Variants in TAFA2 observed in about 807,000 individuals in gnomAD.
The protein encoded by TAFA2 is chemokine-like protein TAFA-2.
In TAFA2, 7 loss-of-function variants were observed where a neutral mutation model predicts 18.8. The ratio of observed to expected loss-of-function variants is 0.37; its 90% CI spans 0.21 to 0.70. TAFA2 has a LOEUF of 0.70. Among genes scored for constraint, TAFA2 ranks in the 30% least tolerant of loss-of-function variants. The pLI is 0.53. For missense variants in TAFA2, 122 were observed against 158.1 expected, an observed-to-expected ratio of 0.77 and a Z score of 1.23; for synonymous variants, 60 against 54.2, an observed-to-expected ratio of 1.11 and a Z score of -0.47.
chr12:61,789,490 A>G (rs1180097729), intron 2 of TAFA2, among the ~76,000 whole-genome samples: 2 of 151,812 alleles, frequency 1.3e-5, no homozygotes, highest in Non-Finnish European at 2.9e-5. Context: ...GAGCTGAGCA[A>G]TGAGAACACA....
chr12:61,975,739 A>G (rs1395895814), intron 1 of TAFA2, among the ~76,000 whole-genome samples: 1 of 151,774 alleles, frequency 6.6e-6, no homozygotes, highest in African/African-American at 2.4e-5. Context: ...ATCCCCTTTG[A>G]GGTTGTTGGT....
chr12:62,058,969 G>A (rs1882265045), intron 1 of TAFA2, among the ~76,000 whole-genome samples: 2 of 152,130 alleles, frequency 1.3e-5, no homozygotes, highest in African/African-American at 4.8e-5. Flanking sequence ...CTGGCGTGGT[G>A]GCGGGCGCCT....
At chr12:62,072,377 G>A (rs1882654104) in intron 1 of TAFA2, among the ~76,000 whole-genome samples, 1 of 152,032 alleles carries the variant, frequency 6.6e-6, no homozygotes, top group South Asian at 2.1e-4. Flanking sequence ...GCTGAGGCAG[G>A]AGAATGGCGT....
At chr12:61,966,421 C>G (rs917295949) in intron 1 of TAFA2, among the ~76,000 whole-genome samples, 1 of 151,902 alleles carries the variant, frequency 6.6e-6, no homozygotes, top group African/African-American at 2.4e-5. Flanking sequence ...TAATCCCATC[C>G]ATGAGGGAGG....
intron 4 of TAFA2, among the ~76,000 whole-genome samples, chr12:61,716,023 T>A (rs903584920): frequency 6.6e-6 from 1 of 152,218 alleles, no homozygotes; most frequent in Non-Finnish European, 1.5e-5. Context: ...GATGATTTAC[T>A]GGGTAAAACA....
At chr12:61,929,889 G>C (rs1283205630) in intron 1 of TAFA2, among the ~76,000 whole-genome samples, 8 of 151,900 alleles carry the variant, frequency 5.3e-5, no homozygotes, top group Non-Finnish European at 7.3e-5. Context: ...ATCATTCTCA[G>C]CAAACTATCA....
chr12:61,969,408 C>A (rs1048585158), intron 1 of TAFA2, among the ~76,000 whole-genome samples: 3 of 151,572 alleles, frequency 2.0e-5, no homozygotes, highest in Non-Finnish European at 4.4e-5. Flanking sequence ...TAAAAAGAAT[C>A]CTGACTCGGT....
chr12:62,038,122 G>C (rs1336557800), intron 1 of TAFA2, among the ~76,000 whole-genome samples: 1 of 152,038 alleles, frequency 6.6e-6, no homozygotes, highest in Non-Finnish European at 1.5e-5. Context: ...GGGAGATGTA[G>C]GTCAAAACAG....
chr12:62,133,238 G>A (rs943946033), intron 1 of TAFA2, among the ~76,000 whole-genome samples: 1 of 151,914 alleles, frequency 6.6e-6, no homozygotes, highest in Non-Finnish European at 1.5e-5. Context: ...CCAAAGACTG[G>A]TATAACTTTC....
At chr12:62,012,953 T>C (rs1373930818) in intron 1 of TAFA2, among the ~76,000 whole-genome samples, 14 of 152,188 alleles carry the variant, frequency 9.2e-5, no homozygotes, top group Non-Finnish European at 1.9e-4. Context: ...CCTCAATGCA[T>C]ACTTACATAT....
chr12:62,168,250 T>C (rs1164585015), intron 1 of TAFA2, among the ~76,000 whole-genome samples: 1 of 152,138 alleles, frequency 6.6e-6, no homozygotes, highest in Non-Finnish European at 1.5e-5. Context: ...CACTAATTAA[T>C]AGATTTAGGA....
chr12:61,892,412 G>C (rs923798580), intron 1 of TAFA2, among the ~76,000 whole-genome samples: 4 of 152,202 alleles, frequency 2.6e-5, no homozygotes, highest in African/African-American at 9.7e-5. Flanking sequence ...TGCCATGCAT[G>C]TAAATGAGCT....
At chr12:62,227,967 G>A (rs537108909) in intron 1 of TAFA2, among the ~76,000 whole-genome samples, 1 of 152,130 alleles carries the variant, frequency 6.6e-6, no homozygotes, top group Admixed American at 6.5e-5. Context: ...ATGGGTCTAT[G>A]TATATGTTTT....
chr12:61,984,190 G>A (rs986492036), intron 1 of TAFA2, among the ~76,000 whole-genome samples: 10 of 152,198 alleles, frequency 6.6e-5, no homozygotes, highest in Non-Finnish European at 2.9e-5. Flanking sequence ...GCTATCCCCA[G>A]TATGTAGAAC....
intron 1 of TAFA2, among the ~76,000 whole-genome samples, chr12:61,992,659 G>T (rs1488385625): frequency 6.6e-6 from 1 of 152,078 alleles, no homozygotes; most frequent in Non-Finnish European, 1.5e-5. Context: ...CTACTGAACT[G>T]GCTGCTACTT....
chr12:61,872,429 G>A (rs556563194), intron 1 of TAFA2, among the ~76,000 whole-genome samples: 2 of 151,938 alleles, frequency 1.3e-5, no homozygotes, highest in Middle Eastern at 3.2e-3. Context: ...TCGCCCTTAG[G>A]GTAGAATGCG....
intron 1 of TAFA2, among the ~76,000 whole-genome samples, chr12:62,123,330 G>A (rs949545402): frequency 2.6e-5 from 4 of 152,004 alleles, no homozygotes; most frequent in African/African-American, 4.8e-5. Context: ...TAATCTCCAA[G>A]AGTTGCTATC....
At position 61,754,524 on chromosome 12, in the gene TAFA2, A is replaced by G. The variant is rs558008886; in HGVS notation, c.259+348T>C. Among the ~76,000 whole-genome samples, 4 of 151,972 alleles carry G rather than the reference A, an allele frequency of 2.6e-5. No individual in the cohort carries two copies. The South Asian group carries it at 6.2e-4, about 24-fold the overall frequency. ...ATATCCATGGGTTTAAGAACCCATA[A>G]TATTAAATCATCCATTTTCATCTTT... On this transcript the variant is annotated intron_variant, in intron 3 of 4. Transcript: ENST00000416284.
chr12:62,183,380 T>C (rs1239004950), intron 1 of TAFA2, among the ~76,000 whole-genome samples: 2 of 152,150 alleles, frequency 1.3e-5, no homozygotes, highest in African/African-American at 4.8e-5. Flanking sequence ...GTTTTGTTTT[T>C]GTTTGTGGTG....
Sources: gnomAD v4.1 joint callset for allele counts (sites outside exome capture counted in the v4.1 genomes callset) on GRCh38, gnomAD v4.1.1 for gene constraint, MANE v1.5 for transcripts, NCBI Gene and HGNC (gene_info 2026-07-23, HGNC 2026-07-21) for gene names.